The following PIGF variants were observed in gnomAD, a reference collection of about 807,000 sequenced individuals.
PIGF encodes GPI ethanolamine phosphate transferase, stabilizing subunit.
A neutral mutation model predicts 26.0 loss-of-function variants in PIGF; 23 were observed. The observed-to-expected ratio is 0.88, with a 90% CI of 0.64 to 1.25. PIGF has a LOEUF of 1.25. Ranked by LOEUF, PIGF falls within the 50% of genes most tolerant of loss-of-function variation. The pLI, the probability that PIGF is intolerant of heterozygous loss-of-function variation, is 0.00. For synonymous variants in PIGF, 93 were observed against 92.6 expected (o/e 1.00, Z -0.03); for missense variants, 278 against 249.9 (o/e 1.11, Z -0.76).
chr2:46,589,611 C>T lies in PIGF; in HGVS notation c.546+2864G>A, dbSNP rs148859623. On this transcript the variant is annotated intron_variant, in intron 5 of 5. Transcript: ENST00000281382. The surrounding 1 kb of genome is among the most constrained non-coding windows in gnomAD (Gnocchi z 4.7). ...ACACAATCCAGAAAAGCTTGCTTTA[C>T]CACAAGCAGATCAAATCGGTATTGG... is the stretch of plus-strand genomic sequence containing the variant. Among the ~76,000 whole-genome samples, 438 of 151,952 alleles carry T rather than the reference C, an allele frequency of 2.9e-3. 3 individuals are homozygous for T. Among genetic ancestry groups the T allele is most frequent in the Non-Finnish European group, 5.0e-3 (340 of 67,904 alleles).
intron 2 of PIGF, chr2:46,614,129 A>G (rs184343639): frequency 5.9e-6 from 1 of 168,868 alleles, no homozygotes; most frequent in Admixed American, 6.3e-5. Context: ...CAAAAAATAC[A>G]GTATTATGCG....
In PIGF at chr2:46,588,519, C is replaced by G. The variant is rs1669643710; in HGVS notation, c.546+3956G>C. On this transcript the variant is annotated intron_variant, in intron 5 of 5. Transcript: ENST00000281382. This position sits in a 1 kb window ranked among gnomAD's most constrained non-coding sequence, Gnocchi z 4.1. Reference sequence around the variant, plus strand: ...GATTTTATTATTTCATCCTCACTAGCAAGTGACAAAGCCAGGATTTCAACC... The same window carrying G: ...GATTTTATTATTTCATCCTCACTAGGAAGTGACAAAGCCAGGATTTCAACC... 2 of 175,216 alleles carry G rather than the reference C, an allele frequency of 1.1e-5. No individual in the cohort carries two copies. The allele number at this position is 175,216 out of a possible 1,614,324, so 10.9% of individuals were successfully genotyped here. A position where few individuals can be genotyped will look rare whatever the true frequency, so the allele number is the denominator to read the frequency against.
chr2:46,589,281 T>TA lies in PIGF; in HGVS notation c.546+3193dup, dbSNP rs1451769197. Among the ~76,000 whole-genome samples, 2 of 152,086 alleles carry TA rather than the reference T, an allele frequency of 1.3e-5. No homozygotes were observed. Among genetic ancestry groups the TA allele is most frequent in the Non-Finnish European group, 2.9e-5 (2 of 67,924 alleles). ...AAATCACTTAAGATTTATATTAAGT[T>TA]AAAAAACTTTTACATTGAGATCACA... On this transcript the variant is annotated intron_variant, in intron 5 of 5. Coordinates refer to ENST00000281382, the MANE Select transcript of PIGF (RefSeq NM_002643.4). The surrounding 1 kb of genome is among the most constrained non-coding windows in gnomAD (Gnocchi z 4.7).
intron 5 of PIGF, chr2:46,591,542 T>C: frequency 1.1e-6 from 1 of 923,646 alleles, no homozygotes; most frequent in Non-Finnish European, 1.3e-6. Context: ...TCTGTGAACC[T>C]AATTAGAAAA....
chr2:46,598,785 C>T (rs1012102927), intron 4 of PIGF, among the ~76,000 whole-genome samples: 5 of 152,040 alleles, frequency 3.3e-5, no homozygotes, highest in Non-Finnish European at 1.5e-5. Flanking sequence ...TGTGCCTATA[C>T]TAAAAACCAC....
Position 46,612,241 on chromosome 2 carries a change from A to C in PIGF, c.424T>G (p.Phe142Val). The C allele has an allele frequency of 8.2e-7, 1 of 1,214,484 alleles. No individual in the cohort carries two copies. The highest frequency in any genetic ancestry group is 3.0e-5 in the East Asian group (1 of 33,216). The allele number at this position is 1,214,484 out of a possible 1,614,324, so 75.2% of individuals were successfully genotyped here. Reference protein sequence around the residue: ...GPNLKAWLRVFSRNGVTSIWE... With the variant: ...GPNLKAWLRVVSRNGVTSIWE... ...ATTAAAACTTACCCATTTCTACTGA[A>C]CACTCTTAGCCATGCTTTGAGGTTT... Residue 142 changes from phenylalanine (F) to valine (V), a missense_variant, in exon 4 of 6, where the codon TTC (phenylalanine) becomes GTC (valine). Physicochemically the swap from Phe to Val is conservative, Grantham distance 50. Transcript: ENST00000281382.
intron 5 of PIGF, among the ~76,000 whole-genome samples, chr2:46,586,505 G>A (rs1048307936): frequency 6.6e-6 from 1 of 152,076 alleles, no homozygotes; most frequent in African/African-American, 2.4e-5. Context: ...TGGAGAAACT[G>A]ACCTATCTGC....
intron 4 of PIGF, among the ~76,000 whole-genome samples, chr2:46,602,462 A>G (rs1166637842): frequency 6.6e-6 from 1 of 151,914 alleles, no homozygotes; most frequent in East Asian, 1.9e-4. Flanking sequence ...ATATTATACA[A>G]CATTTATATT....
At chr2:46,602,754 A>T (rs951184617) in intron 4 of PIGF, among the ~76,000 whole-genome samples, 1 of 151,952 alleles carries the variant, frequency 6.6e-6, no homozygotes, top group African/African-American at 2.4e-5. Flanking sequence ...TCTGTTCTAA[A>T]TTATTATTGA....
chr2:46,612,202 C>T, intron 4 of PIGF, 26 bp downstream of exon 4: 1 of 664,784 alleles, frequency 1.5e-6, no homozygotes, highest in South Asian at 3.2e-5. Context: ...ATTTCAATAT[C>T]ATTATAATAT....
chr2:46,584,129 A>G (rs375781466), intron 5 of PIGF, among the ~76,000 whole-genome samples: 1 of 152,176 alleles, frequency 6.6e-6, no homozygotes, highest in Non-Finnish European at 1.5e-5. Flanking sequence ...CAAATTAAAT[A>G]CCAGTTTGTT....
intron 4 of PIGF, among the ~76,000 whole-genome samples, chr2:46,596,555 CTAA>C (rs1315378488): frequency 6.6e-6 from 1 of 151,970 alleles, no homozygotes; most frequent in East Asian, 1.9e-4. Context: ...TACAATTAAA[CTAA>C]TAATAAAAAT....
At chr2:46,598,533 T>TTTTTTTTTTTTG (rs1669959828) in intron 4 of PIGF, among the ~76,000 whole-genome samples, 1 of 123,430 alleles carries the variant, frequency 8.1e-6, no homozygotes, top group African/African-American at 3.0e-5. Flanking sequence ...TATGAGATTT[T>TTTTTTTTTTTTG]TTTTTTTTTT....
At chr2:46,611,824 T>C (rs1670428611) in intron 4 of PIGF, among the ~76,000 whole-genome samples, 1 of 152,244 alleles carries the variant, frequency 6.6e-6, no homozygotes, top group Non-Finnish European at 1.5e-5. Context: ...TTTTAGATTG[T>C]GGACCCCACT....
At chr2:46,610,437 G>T (rs1158514686) in intron 4 of PIGF, among the ~76,000 whole-genome samples, 1 of 151,266 alleles carries the variant, frequency 6.6e-6, no homozygotes, top group Non-Finnish European at 1.5e-5. Flanking sequence ...TGGTAATAAT[G>T]TAGAAAATGC....
In PIGF at chr2:46,610,839, C is replaced by G. The variant is rs116968717; in HGVS notation, c.437+1389G>C. 2.2e-4 allele frequency among the ~76,000 whole-genome samples: 33 copies of G among 152,230 alleles called. 2 individuals are homozygous for G. The East Asian group carries it at 6.4e-3, about 29-fold the overall frequency. ...GCCACCACACTCGTCCCAAACAGTA[C>G]TGATTTCAAAGGGAATAAGTCGGTA... On this transcript the variant is annotated intron_variant, in intron 4 of 5. Coordinates refer to ENST00000281382, the MANE Select transcript of PIGF (RefSeq NM_002643.4).
At chr2:46,594,536 ATTTT>A (rs5830911) in intron 4 of PIGF, among the ~76,000 whole-genome samples, 1 of 145,012 alleles carries the variant, frequency 6.9e-6, no homozygotes, top group Non-Finnish European at 1.5e-5. Context: ...CAGAGTTAGG[ATTTT>A]TTTTTTTTTT....
intron 4 of PIGF, among the ~76,000 whole-genome samples, chr2:46,600,713 C>T (rs1319124529): frequency 6.6e-6 from 1 of 152,022 alleles, no homozygotes; most frequent in African/African-American, 2.4e-5. Context: ...ATCCAATTTC[C>T]GTTATGTGAC....
chr2:46,616,917 G>A lies in PIGF; in HGVS notation c.-22+53C>T, dbSNP rs900011418. 9.8e-6 allele frequency: 4 copies of A among 408,540 alleles called. No homozygotes were observed. In the Admixed American group the frequency reaches 1.3e-4, roughly 13 times the overall value. 25.3% of individuals were successfully genotyped at this position (408,540 alleles called of 1,614,324 possible). ...TCAGGGCTGCTTCGGCAATTCGCGG[G>A]GGTAGCTTGCACCTCGTGAGGCGAG... On this transcript the variant is annotated intron_variant, in intron 1 of 5. Coordinates refer to ENST00000281382, the MANE Select transcript of PIGF (RefSeq NM_002643.4).
Sources: allele counts gnomAD v4.1 joint callset (sites outside exome capture counted in the v4.1 genomes callset), GRCh38; gene constraint gnomAD v4.1.1; non-coding constraint Gnocchi (gnomAD v3.1); transcripts MANE v1.5; gene names NCBI Gene and HGNC (gene_info 2026-07-23, HGNC 2026-07-21).